The following NRXN3 variants were observed in gnomAD, a reference collection of about 807,000 sequenced individuals.
NRXN3 encodes neurexin 3.
A neutral mutation model predicts 137.6 loss-of-function variants in NRXN3; 32 were observed. The ratio of observed to expected loss-of-function variants is 0.23; its 90% CI spans 0.18 to 0.31. The LOEUF (loss-of-function observed/expected upper bound fraction) is 0.31. Ranked by LOEUF, NRXN3 falls within the 10% of genes least tolerant of loss-of-function variation. The pLI, the probability that NRXN3 is intolerant of heterozygous loss-of-function variation, is 1.00. For synonymous variants in NRXN3, 798 were observed against 784.5 expected (o/e 1.02, Z -0.29); for missense variants, 1,574 against 2,062.5 (o/e 0.76, Z 4.59).
At chr14:78,467,955 G>A (rs971456266) in intron 4 of NRXN3, among the ~76,000 whole-genome samples, 3 of 151,756 alleles carry the variant, frequency 2.0e-5, no homozygotes, top group Non-Finnish European at 4.4e-5. Context: ...ATGGAGGCTC[G>A]TTCTGTCGCA....
chr14:79,158,093 AT>A (rs2060422272), intron 15 of NRXN3, among the ~76,000 whole-genome samples: 1 of 151,608 alleles, frequency 6.6e-6, no homozygotes, highest in Non-Finnish European at 1.5e-5. Flanking sequence ...ATGGCCTTGT[AT>A]TTTTAACTTC....
intron 10 of NRXN3, among the ~76,000 whole-genome samples, chr14:78,930,277 G>A (rs1348705795): frequency 2.0e-5 from 3 of 152,164 alleles, no homozygotes; most frequent in African/African-American, 2.4e-5. Flanking sequence ...CTGAGAGAGA[G>A]TATCATGAAA....
chr14:78,946,923 C>T (rs1271878775), intron 10 of NRXN3, among the ~76,000 whole-genome samples: 1 of 152,132 alleles, frequency 6.6e-6, no homozygotes. Context: ...ATTATTTTCT[C>T]TATGTGCATG....
chr14:79,724,783 A>G (rs1352772455), intron 19 of NRXN3, among the ~76,000 whole-genome samples: 2 of 152,122 alleles, frequency 1.3e-5, no homozygotes, highest in African/African-American at 4.8e-5. Context: ...CTGCAAGACA[A>G]CACCATGGCT....
chr14:79,737,718 TTTTC>T (rs769230838), intron 19 of NRXN3, among the ~76,000 whole-genome samples: 9 of 131,060 alleles, frequency 6.9e-5, no homozygotes, highest in Non-Finnish European at 8.6e-5. Flanking sequence ...TGTGGCATTC[TTTTC>T]TTTCTTTCTT....
chr14:79,277,347 G>C (rs1250402013), intron 15 of NRXN3, among the ~76,000 whole-genome samples: 1 of 152,194 alleles, frequency 6.6e-6, no homozygotes, highest in Non-Finnish European at 1.5e-5. Context: ...AGTCATCTAG[G>C]CCGCCTTAAG....
At chr14:78,873,495 G>A (rs553280842) in intron 10 of NRXN3, among the ~76,000 whole-genome samples, 1 of 152,158 alleles carries the variant, frequency 6.6e-6, no homozygotes, top group Non-Finnish European at 1.5e-5. Flanking sequence ...GCAGACATGA[G>A]TGTGGCCTTT....
intron 10 of NRXN3, among the ~76,000 whole-genome samples, chr14:78,823,735 A>G (rs1330427716): frequency 2.0e-5 from 3 of 152,158 alleles, no homozygotes; most frequent in African/African-American, 7.2e-5. Context: ...GGGTAGCTGA[A>G]TATACATATT....
chr14:78,193,692 G>T (rs545845895), intron 1 of NRXN3, among the ~76,000 whole-genome samples: 1 of 149,580 alleles, frequency 6.7e-6, no homozygotes, highest in African/African-American at 2.5e-5. Context: ...AACCTGGAAG[G>T]TGGAAGTTGT....
At chr14:78,538,841 G>A (rs1215088795) in intron 4 of NRXN3, among the ~76,000 whole-genome samples, 1 of 152,032 alleles carries the variant, frequency 6.6e-6, no homozygotes, top group Non-Finnish European at 1.5e-5. Flanking sequence ...TGAATTTTGT[G>A]GAAGGCCTTT....
At chr14:78,484,027 C>CACAG (rs1229106899) in intron 4 of NRXN3, among the ~76,000 whole-genome samples, 81 of 137,148 alleles carry the variant, frequency 5.9e-4, no homozygotes, top group African/African-American at 2.0e-3. Context: ...CACACACACA[C>CACAG]AGAGAGAGAG....
intron 1 of NRXN3, among the ~76,000 whole-genome samples, chr14:78,179,235 G>C (rs1480023336): frequency 6.6e-6 from 1 of 152,138 alleles, no homozygotes; most frequent in Non-Finnish European, 1.5e-5. Context: ...TACAGGCAGG[G>C]AGGATGCACA....
intron 16 of NRXN3, among the ~76,000 whole-genome samples, chr14:79,604,847 CA>C (rs1402191639): frequency 6.6e-6 from 1 of 151,848 alleles, no homozygotes; most frequent in Non-Finnish European, 1.5e-5. Flanking sequence ...GCCTGGCCAA[CA>C]TGGTGAAAAT....
At chr14:78,330,302 A>G (rs2080644091) in intron 4 of NRXN3, among the ~76,000 whole-genome samples, 1 of 152,040 alleles carries the variant, frequency 6.6e-6, no homozygotes, top group Non-Finnish European at 1.5e-5. Context: ...GAGTCCCCAC[A>G]ATGTGCCTTA....
intron 19 of NRXN3, among the ~76,000 whole-genome samples, chr14:79,722,436 C>T (rs1488404118): frequency 6.6e-6 from 1 of 152,032 alleles, no homozygotes; most frequent in Non-Finnish European, 1.5e-5. Context: ...CTCATATTAC[C>T]CTACCCTTCT....
intron 16 of NRXN3, among the ~76,000 whole-genome samples, chr14:79,653,813 A>G (rs1400717576): frequency 1.3e-5 from 2 of 152,162 alleles, no homozygotes; most frequent in Non-Finnish European, 2.9e-5. Context: ...GAACACCCCC[A>G]CACACAAGTC....
chr14:79,157,152 A>T (rs574394385), intron 15 of NRXN3, among the ~76,000 whole-genome samples: 39 of 151,894 alleles, frequency 2.6e-4, no homozygotes, highest in African/African-American at 8.9e-4. Context: ...CTGCTTAGAG[A>T]CAGGACATGC....
chr14:79,469,627 C>T (rs931354394), intron 16 of NRXN3, among the ~76,000 whole-genome samples: 6 of 152,094 alleles, frequency 3.9e-5, no homozygotes, highest in African/African-American at 1.4e-4. Flanking sequence ...GTGATACAGC[C>T]GATTGCTTAA....
chr14:79,071,629 T>A (rs2099687906), intron 15 of NRXN3, among the ~76,000 whole-genome samples: 1 of 151,964 alleles, frequency 6.6e-6, no homozygotes, highest in Non-Finnish European at 1.5e-5. Flanking sequence ...ATTGAACTCA[T>A]GGAGAGAGAG....
Sources: allele counts gnomAD v4.1 joint callset (sites outside exome capture counted in the v4.1 genomes callset), GRCh38; gene constraint gnomAD v4.1.1; transcripts MANE v1.5; gene names NCBI Gene and HGNC (gene_info 2026-07-23, HGNC 2026-07-21).